The following LYPLA1 variants were observed in gnomAD, a reference collection of about 807,000 sequenced individuals.
LYPLA1 encodes the protein lysophospholipase 1, also known as acyl-protein thioesterase 1.
LYPLA1 carries 17 observed loss-of-function variants against 34.0 expected under a neutral mutation model. That is an observed-to-expected ratio of 0.50 (90% CI 0.34 to 0.75). The LOEUF is 0.75. Among genes scored for constraint, LYPLA1 ranks in the 30% least tolerant of loss-of-function variants. The pLI is 0.01. For synonymous variants in LYPLA1, 98 were observed against 100.8 expected (o/e 0.97, Z 0.17); for missense variants, 203 against 288.8 (o/e 0.70, Z 2.15).
chr8:54,055,427 A>C (rs981826976), intron 5 of LYPLA1, among the ~76,000 whole-genome samples: 4 of 152,114 alleles, frequency 2.6e-5, no homozygotes, highest in African/African-American at 9.7e-5. Flanking sequence ...AAACTATAAA[A>C]CACTGATGAA....
At chr8:54,052,901 AAC>A (rs1586075650) in intron 6 of LYPLA1, 145 bp from the exon 7 acceptor site, 2 of 602,658 alleles carry the variant, frequency 3.3e-6, no homozygotes, top group East Asian at 5.5e-5. Flanking sequence ...CGGAAATACA[AAC>A]ACACCCCACC....
At chr8:54,076,557 C>T (rs567961713) in intron 2 of LYPLA1, among the ~76,000 whole-genome samples, 37 of 152,222 alleles carry the variant, frequency 2.4e-4, no homozygotes, top group South Asian at 8.3e-4. Context: ...ATAAACTGGC[C>T]CCAAAACTGG....
chr8:54,082,787 C>T (rs951905709), intron 2 of LYPLA1, among the ~76,000 whole-genome samples: 4 of 152,070 alleles, frequency 2.6e-5, no homozygotes, highest in Non-Finnish European at 2.9e-5. Context: ...AGTGCAGTGG[C>T]GCGATCTCGG....
At chr8:54,063,572 A>T (rs1176622348) in intron 3 of LYPLA1, among the ~76,000 whole-genome samples, 197 bp from the exon 4 acceptor site, 2 of 152,250 alleles carry the variant, frequency 1.3e-5, no homozygotes, top group African/African-American at 4.8e-5. Flanking sequence ...CTGAAGACAG[A>T]GCAACAGCAA....
At chr8:54,052,231 A>G (rs575842033) in intron 7 of LYPLA1, among the ~76,000 whole-genome samples, 1 of 152,360 alleles carries the variant, frequency 6.6e-6, no homozygotes, top group East Asian at 1.9e-4. Context: ...TCCTTCTAAT[A>G]TAAGATTTGT....
intron 8 of LYPLA1, among the ~76,000 whole-genome samples, chr8:54,049,767 G>T (rs4506187): frequency 6.6e-6 from 1 of 151,782 alleles, no homozygotes; most frequent in African/African-American, 2.4e-5. Flanking sequence ...TCTTCTTCCT[G>T]TTTACCAAAA....
chr8:54,099,904 G>A (rs939834544), intron 2 of LYPLA1, among the ~76,000 whole-genome samples: 30 of 151,956 alleles, frequency 2.0e-4, no homozygotes, highest in African/African-American at 5.8e-4. Context: ...AGCTGGTGTC[G>A]AACTCTTGAC....
At chr8:54,101,040 C>T in intron 1 of LYPLA1, 101 bp from the exon 2 acceptor site, 1 of 997,146 alleles carries the variant, frequency 1.0e-6, no homozygotes, top group Non-Finnish European at 1.6e-6. Flanking sequence ...ACGAAACCTA[C>T]GAGAGAATTA....
At chr8:54,086,033 T>C (rs1435750917) in intron 2 of LYPLA1, among the ~76,000 whole-genome samples, 2 of 152,144 alleles carry the variant, frequency 1.3e-5, no homozygotes, top group African/African-American at 4.8e-5. Context: ...ATTGTTACTG[T>C]CTGTGTAGAA....
intron 2 of LYPLA1, among the ~76,000 whole-genome samples, chr8:54,076,541 C>G (rs1807918486): frequency 6.6e-6 from 1 of 152,190 alleles, no homozygotes; most frequent in African/African-American, 2.4e-5. Context: ...CCCCCGAAAT[C>G]TGGCTATAAA....
intron 2 of LYPLA1, among the ~76,000 whole-genome samples, chr8:54,066,945 G>C (rs1005886404): frequency 3.9e-5 from 6 of 152,094 alleles, no homozygotes; most frequent in Non-Finnish European, 7.4e-5. Context: ...TGAAGCATGC[G>C]GATCACTTGA....
intron 2 of LYPLA1, among the ~76,000 whole-genome samples, chr8:54,068,579 C>T (rs1807247823): frequency 6.6e-6 from 1 of 152,114 alleles, no homozygotes; most frequent in Non-Finnish European, 1.5e-5. Context: ...ATTTCTGAAA[C>T]AAATCAACAG....
chr8:54,057,685 T>C (rs993242348), intron 5 of LYPLA1, among the ~76,000 whole-genome samples: 2 of 151,842 alleles, frequency 1.3e-5, no homozygotes, highest in African/African-American at 4.8e-5. Context: ...GGGCTGGAGG[T>C]GAGGTGTAGC....
chr8:54,074,223 G>A (rs1279226723), intron 2 of LYPLA1, among the ~76,000 whole-genome samples: 4 of 152,144 alleles, frequency 2.6e-5, no homozygotes, highest in Non-Finnish European at 4.4e-5. Context: ...GCAGTGAGCC[G>A]AGATCGTGCC....
chr8:54,087,804 AAATTT>A (rs1417649473), intron 2 of LYPLA1, among the ~76,000 whole-genome samples: 2 of 152,214 alleles, frequency 1.3e-5, no homozygotes, highest in Non-Finnish European at 2.9e-5. Context: ...ACTTGAACAT[AAATTT>A]AATTTATTTA....
At chr8:54,052,284 A>G (rs1805897369) in intron 7 of LYPLA1, among the ~76,000 whole-genome samples, 1 of 152,228 alleles carries the variant, frequency 6.6e-6, no homozygotes, top group Non-Finnish European at 1.5e-5. Context: ...GTACTCCACA[A>G]TACAGACAGT....
rs552883417 is a variant in LYPLA1 at position 54,085,838 on chromosome 8, G to A, written c.101+15070C>T. Among the ~76,000 whole-genome samples the A allele has an allele frequency of 7.9e-3, 1,126 of 142,076 alleles. 16 individuals are homozygous for A. The highest frequency in any genetic ancestry group is 0.027 in the African/African-American group (1,041 of 38,142). The allele number at this position is 142,076 out of a possible 152,430, so 93.2% of individuals were successfully genotyped here. A position where few individuals can be genotyped will look rare whatever the true frequency, so the allele number is the denominator to read the frequency against. On this transcript the variant is annotated intron_variant, in intron 2 of 8. Coordinates refer to ENST00000316963, the MANE Select transcript of LYPLA1 (RefSeq NM_006330.4). ...GGGGGCAGCCCCCGGCCGGCCAGCC[G>A]CCCCGTCCGCGAGGTGGGGGGGGCG...
At chr8:54,058,106 A>G (rs1285339685) in intron 5 of LYPLA1, among the ~76,000 whole-genome samples, 3 of 152,230 alleles carry the variant, frequency 2.0e-5, no homozygotes, top group Non-Finnish European at 4.4e-5. Flanking sequence ...TCAATGAACC[A>G]TAGGCATTTG....
intron 1 of LYPLA1, 117 bp downstream of exon 1, chr8:54,101,638 G>A (rs1810166352): frequency 1.7e-6 from 2 of 1,149,982 alleles, no homozygotes. Context: ...CACCCGGGCC[G>A]GGAGGAGCGT....
Sources: allele counts gnomAD v4.1 joint callset (sites outside exome capture counted in the v4.1 genomes callset), GRCh38; gene constraint gnomAD v4.1.1; transcripts MANE v1.5; gene names NCBI Gene and HGNC (gene_info 2026-07-23, HGNC 2026-07-21).